RPF2: variants seen among roughly 807,000 people sequenced by gnomAD.
RPF2 encodes ribosome production factor 2 homolog, also known as brix domain containing 1.
A neutral mutation model predicts 38.9 loss-of-function variants in RPF2; 21 were observed. The observed-to-expected ratio is 0.54, with a 90% CI of 0.38 to 0.78. The LOEUF is 0.78. Among genes scored for constraint, RPF2 ranks in the 30% least tolerant of loss-of-function variants. The pLI is 0.00. For synonymous variants in RPF2, 121 were observed against 126.2 expected (o/e 0.96, Z 0.28); for missense variants, 314 against 358.1 (o/e 0.88, Z 0.99).
intron 5 of RPF2, among the ~76,000 whole-genome samples, chr6:110,998,566 C>G (rs1771758965): frequency 1.3e-5 from 2 of 152,158 alleles, no homozygotes; most frequent in African/African-American, 4.8e-5. Context: ...AAAAACCCCA[C>G]CAAACTAGTT....
intron 1 of RPF2, among the ~76,000 whole-genome samples, chr6:110,983,647 T>C (rs1022902897): frequency 6.6e-6 from 1 of 152,174 alleles, no homozygotes; most frequent in Non-Finnish European, 1.5e-5. Context: ...CAGCCCTAGC[T>C]CATTTTAAAA....
intron 8 of RPF2, among the ~76,000 whole-genome samples, chr6:111,022,021 G>T (rs1281382684): frequency 6.6e-6 from 1 of 152,122 alleles, no homozygotes; most frequent in Non-Finnish European, 1.5e-5. Flanking sequence ...ATTATTCCTT[G>T]TATGTGAGTG....
intron 7 of RPF2, among the ~76,000 whole-genome samples, chr6:111,008,870 G>A (rs1461104421): frequency 2.7e-5 from 4 of 146,280 alleles, no homozygotes; most frequent in Non-Finnish European, 3.0e-5. Flanking sequence ...TTTCTTTTCC[G>A]GGAAGCCCTC....
chr6:110,984,226 G>T (rs1374905796), intron 1 of RPF2, among the ~76,000 whole-genome samples: 2 of 152,028 alleles, frequency 1.3e-5, no homozygotes, highest in Non-Finnish European at 2.9e-5. Context: ...AAACCTAAAA[G>T]AAAAATAAGC....
chr6:111,016,803 TGGTTTTCCTAGGCAGA>T, intron 8 of RPF2, among the ~76,000 whole-genome samples: 1 of 151,312 alleles, frequency 6.6e-6, no homozygotes, highest in South Asian at 2.1e-4. Flanking sequence ...CAAAGGTCTC[TGGTTTTCCTAGGCAGA>T]GGACCCTGCG....
intron 8 of RPF2, among the ~76,000 whole-genome samples, 186 bp from the exon 9 acceptor site, chr6:111,023,997 A>G (rs1170043168): frequency 6.6e-6 from 1 of 152,160 alleles, no homozygotes; most frequent in Non-Finnish European, 1.5e-5. Context: ...AAAAAAAAAA[A>G]AATTTATAAA....
chr6:111,026,520 G>A lies in RPF2; in HGVS notation c.*938G>A, dbSNP rs1772330640. 1 of 152,274 alleles carries A rather than the reference G, an allele frequency of 6.6e-6. No individual in the cohort carries two copies. The highest frequency in any genetic ancestry group is 1.5e-5 in the Non-Finnish European group (1 of 68,106). 9.4% of individuals were successfully genotyped at this position (152,274 alleles called of 1,614,324 possible). A position where few individuals can be genotyped will look rare whatever the true frequency, so the allele number is the denominator to read the frequency against. On this transcript the variant is annotated 3_prime_UTR_variant, in exon 10 of 10. Transcript: ENST00000441448. The stretch of plus-strand genomic sequence containing the variant: ...ACCTGGCAGAAAAGAAGTTTTGATA[G>A]GGGCAGAAATGAAAAAGGAGAAAAC...
At chr6:111,016,687 C>CTTTTTT (rs34370879) in intron 8 of RPF2, among the ~76,000 whole-genome samples, 9 of 95,380 alleles carry the variant, frequency 9.4e-5, no homozygotes, top group African/African-American at 1.3e-4. Flanking sequence ...TTTTTTCTTT[C>CTTTTTT]TTTTTTTTTT....
intron 6 of RPF2, among the ~76,000 whole-genome samples, chr6:111,007,299 A>G (rs1771926415): frequency 6.6e-6 from 1 of 152,186 alleles, no homozygotes; most frequent in African/African-American, 2.4e-5. Flanking sequence ...AGTAACTTTT[A>G]ATTTTATTCT....
rs187838163 is a variant in RPF2 at position 110,993,245 on chromosome 6, A to G, written c.234+1459A>G. Among the ~76,000 whole-genome samples the G allele has an allele frequency of 2.4e-3, 359 of 151,618 alleles. 2 individuals carry two copies. Among genetic ancestry groups the G allele is most frequent in the African/African-American group, 8.4e-3 (346 of 41,148 alleles). ...TGGGTGTAAGCCGTCACACCCAACC[A>G]GGAACCCATTATTTGTTGTTGTTTT... On this transcript the variant is annotated intron_variant, in intron 4 of 9. Coordinates refer to ENST00000441448, the MANE Select transcript of RPF2 (RefSeq NM_032194.3).
At chr6:110,997,902 T>C (rs1375881248) in intron 5 of RPF2, among the ~76,000 whole-genome samples, 5 of 150,168 alleles carry the variant, frequency 3.3e-5, no homozygotes, top group African/African-American at 7.3e-5. Context: ...TTTTCTTCTT[T>C]TTTTTTTTTT....
intron 7 of RPF2, among the ~76,000 whole-genome samples, chr6:111,010,198 T>TCTTA (rs1036550955): frequency 1.3e-5 from 2 of 151,424 alleles, no homozygotes; most frequent in Non-Finnish European, 2.9e-5. Context: ...TGTGATCACG[T>TCTTA]CTTACTGCAG....
chr6:111,004,126 T>C (rs780732803), intron 6 of RPF2, among the ~76,000 whole-genome samples: 16 of 151,988 alleles, frequency 1.1e-4, no homozygotes, highest in Non-Finnish European at 2.2e-4. Flanking sequence ...TCATCTATTG[T>C]AGACTCCTGC....
intron 8 of RPF2, among the ~76,000 whole-genome samples, chr6:111,017,501 C>T (rs1207580230): frequency 3.4e-5 from 5 of 149,080 alleles, no homozygotes; most frequent in Admixed American, 1.3e-4. Flanking sequence ...TCAGATGGGG[C>T]GGCTGCCGGG....
intron 2 of RPF2, among the ~76,000 whole-genome samples, chr6:110,986,185 G>T (rs1205188646): frequency 6.6e-6 from 1 of 152,196 alleles, no homozygotes; most frequent in African/African-American, 2.4e-5. Flanking sequence ...GAGGAGGCAT[G>T]GGTCACATAG....
intron 2 of RPF2, among the ~76,000 whole-genome samples, chr6:110,988,474 C>G (rs1025445753): frequency 1.3e-4 from 20 of 149,138 alleles, no homozygotes; most frequent in Non-Finnish European, 2.5e-4. Flanking sequence ...CTCACTCTAT[C>G]ACCAGAGCTG....
intron 2 of RPF2, among the ~76,000 whole-genome samples, chr6:110,988,799 A>T (rs1265369070): frequency 6.6e-6 from 1 of 152,150 alleles, no homozygotes; most frequent in Non-Finnish European, 1.5e-5. Context: ...TTTAAGTTGG[A>T]TAGACTATTG....
intron 6 of RPF2, among the ~76,000 whole-genome samples, chr6:111,000,261 C>T (rs558786467): frequency 1.3e-5 from 2 of 152,184 alleles, no homozygotes; most frequent in African/African-American, 2.4e-5. Flanking sequence ...CATGCCAGCA[C>T]GCCCAGCTAA....
chr6:111,003,858 A>G (rs6935295), intron 6 of RPF2, among the ~76,000 whole-genome samples: 27,174 of 151,466 alleles, frequency 0.18, 3,086 homozygotes, highest in East Asian at 0.51. Context: ...TGTTGCCCAG[A>G]CTGGAGTGCA....
Sources: allele counts gnomAD v4.1 joint callset (sites outside exome capture counted in the v4.1 genomes callset), GRCh38; gene constraint gnomAD v4.1.1; transcripts MANE v1.5; gene names NCBI Gene and HGNC (gene_info 2026-07-23, HGNC 2026-07-21).